MIB2: variants seen among roughly 807,000 people sequenced by gnomAD.
MIB2 encodes MIB E3 ubiquitin protein ligase 2.
Under a neutral mutation model 96.6 loss-of-function variants are expected in MIB2, and 78 were observed. The ratio of observed to expected loss-of-function variants is 0.81; its 90% CI spans 0.67 to 0.97. The LOEUF is 0.97. Ranked by LOEUF, MIB2 falls within the 50% of genes least tolerant of loss-of-function variation. The pLI is 0.00. For missense variants in MIB2, 1,543 were observed against 1,424.0 expected (o/e 1.08, Z -1.35); for synonymous variants, 820 against 629.5 (o/e 1.30, Z -4.53).
intron 1 of MIB2, chr1:1,615,980 AGTCGG>A: frequency 1.0e-6 from 1 of 985,290 alleles, no homozygotes; most frequent in Non-Finnish European, 1.2e-6. Flanking sequence ...GCCGCTGAGC[AGTCGG>A]GGCCGGTGGG....
chr1:1,615,769 T>G (rs1643564025), intron 1 of MIB2, 136 bp downstream of exon 1: 4 of 1,411,080 alleles, frequency 2.8e-6, no homozygotes, highest in South Asian at 1.5e-5. Flanking sequence ...CGGCGTAGGG[T>G]CCGCACGGGA....
At chr1:1,620,351 C>T (rs540169865) in intron 2 of MIB2, among the ~76,000 whole-genome samples, 5 of 152,236 alleles carry the variant, frequency 3.3e-5, no homozygotes, top group Admixed American at 1.3e-4. Context: ...GGGCCCATCT[C>T]GGGGGTCGGC....
chr1:1,628,990 T>C, intron 16 of MIB2, 143 bp from the exon 17 acceptor site: 1 of 943,504 alleles, frequency 1.1e-6, no homozygotes, highest in Non-Finnish European at 1.5e-6. Flanking sequence ...CTCCTGCCTG[T>C]CCCACTTGGG....
At chr1:1,628,982 C>T in intron 16 of MIB2, 151 bp from the exon 17 acceptor site, 1 of 890,252 alleles carries the variant, frequency 1.1e-6, no homozygotes, top group Non-Finnish European at 1.6e-6. Context: ...GGGCGCCCCT[C>T]CTGCCTGTCC....
Position 1,628,387 on chromosome 1 carries a change from C to G in MIB2, c.1956C>G (p.Ile652Met). The G allele has an allele frequency of 6.2e-7, 1 of 1,612,160 alleles. No homozygotes were observed. Among genetic ancestry groups the G allele is most frequent in the Non-Finnish European group, 8.5e-7 (1 of 1,179,822 alleles). ...ALNNHREVAQ[I>M]LIREGRCDVN... ...ACAACCACCGCGAGGTGGCCCAGAT[C>G]CTCATCCGGGAGGTGCGGACGCGGC... Residue 652 changes from isoleucine to methionine, a missense_variant, in exon 15 of 20, where the codon ATC (isoleucine) becomes ATG (methionine). Physicochemically the swap from Ile to Met is conservative, Grantham distance 10 (BLOSUM62 1). Transcript: ENST00000355826.
chr1:1,625,463 G>A lies in MIB2; in HGVS notation c.864+35G>A. 6.4e-7 allele frequency: 1 copy of A among 1,556,176 alleles called. No individual in the cohort carries two copies. Among genetic ancestry groups the A allele is most frequent in the Non-Finnish European group, 8.7e-7 (1 of 1,149,252 alleles). ...CCCGCCGTGGAGCCCTGTGTGCCCTGCCCTCCCAGCCCTCCGCCCCCTCAG... is the reference window on the plus strand; with the variant it reads ...CCCGCCGTGGAGCCCTGTGTGCCCTACCCTCCCAGCCCTCCGCCCCCTCAG... On this transcript the variant is annotated intron_variant, in intron 7 of 19. Coordinates refer to ENST00000355826, the MANE Select transcript of MIB2 (RefSeq NM_001170687.4). This position sits in a 1 kb window ranked among gnomAD's most constrained non-coding sequence, Gnocchi z 5.0.
At position 1,628,121 on chromosome 1, in the gene MIB2, G is replaced by A. The variant is rs748228503; in HGVS notation, c.1783G>A (p.Ala595Thr). The change falls in exon 14 of 20, where the codon GCC becomes ACC. Residue 595 changes from alanine (A) to threonine (T), a missense_variant. By Grantham distance (58) the Ala-to-Thr change is moderately conservative (BLOSUM62 0). Transcript: ENST00000355826. ...LTEVPNIDVTATNSQGFTLLH... is the reference protein window; with the variant it reads ...LTEVPNIDVTTTNSQGFTLLH... ...GGAGGTGCCAAACATCGATGTTACC[G>A]CCACCAACAGCCAGGGTTTCACCCT... 18 of 1,613,362 alleles carry A rather than the reference G, an allele frequency of 1.1e-5. No homozygotes were observed. The highest frequency in any genetic ancestry group is 1.6e-4 in the Middle Eastern group (1 of 6,062).
Position 1,625,468 on chromosome 1 carries a change from C to T in MIB2, c.864+40C>T. On this transcript the variant is annotated intron_variant, in intron 7 of 19. Coordinates refer to ENST00000355826, the MANE Select transcript of MIB2 (RefSeq NM_001170687.4). The surrounding 1 kb of genome is among the most constrained non-coding windows in gnomAD (Gnocchi z 5.0). ...CGTGGAGCCCTGTGTGCCCTGCCCT[C>T]CCAGCCCTCCGCCCCCTCAGCCCCT... 2.8e-6 allele frequency: 4 copies of T among 1,416,684 alleles called. No individual in the cohort carries two copies. Among genetic ancestry groups the T allele is most frequent in the Non-Finnish European group, 3.9e-6 (4 of 1,029,892 alleles). The allele number at this position is 1,416,684 out of a possible 1,614,324, so 87.8% of individuals were successfully genotyped here. A position where few individuals can be genotyped will look rare whatever the true frequency, so the allele number is the denominator to read the frequency against.
At position 1,629,635 on chromosome 1, in the gene MIB2, G is replaced by A. The variant is rs548252796; in HGVS notation, c.2564-4G>A. 170 of 1,587,530 alleles carry A rather than the reference G, an allele frequency of 1.1e-4. No individual in the cohort carries two copies. In the East Asian group the frequency reaches 3.4e-3, roughly 32 times the overall value. On this transcript the variant is annotated splice_polypyrimidine_tract_variant and splice_region_variant and intron_variant, in intron 18 of 19. Coordinates refer to ENST00000355826, the MANE Select transcript of MIB2 (RefSeq NM_001170687.4). Reference sequence around the variant, plus strand: ...CGCAGCCAACCGCGCTCTCCTCTTCGCAGAGTGCGCGCGCAGGATGAAGAA... The same window carrying A: ...CGCAGCCAACCGCGCTCTCCTCTTCACAGAGTGCGCGCGCAGGATGAAGAA...
intron 2 of MIB2, chr1:1,623,056 A>G: frequency 2.8e-6 from 1 of 351,512 alleles, no homozygotes; most frequent in Non-Finnish European, 5.2e-6. Flanking sequence ...GGGGGACGGC[A>G]GCTCTTACTT....
In MIB2 at chr1:1,627,665, C is replaced by G. The variant is rs760770226; in HGVS notation, c.1524-8C>G. The G allele has an allele frequency of 1.9e-6, 3 of 1,589,052 alleles. No individual in the cohort carries two copies. In the African/African-American group the frequency reaches 4.0e-5, roughly 21 times the overall value. On this transcript the variant is annotated splice_polypyrimidine_tract_variant and splice_region_variant and intron_variant, in intron 12 of 19. Coordinates refer to ENST00000355826, the MANE Select transcript of MIB2 (RefSeq NM_001170687.4). ...GCGCCCTCCCTCTCCCACTTCCTCT[C>G]CTGTCAGGAACCAGCCCGAGGCCAC...
rs943832887 is a variant in MIB2, at chr1:1,629,413, C to T, written c.2410C>T (p.Pro804Ser). The T allele has an allele frequency of 1.7e-5, 25 of 1,474,188 alleles. No homozygotes were observed. The Admixed American group carries it at 5.1e-4, about 30-fold the overall frequency. 91.3% of individuals were successfully genotyped at this position (1,474,188 alleles called of 1,614,324 possible). ...GCGGCAGGCGGGCGGGGGCGCGGCC[C>T]CGGGCCCCAGGCAAACGCTCGGGAC... ...RERQAGGGAA[P>S]GPRQTLGTPN... Residue 804 changes from proline to serine, a missense_variant, in exon 18 of 20, where the codon CCG becomes TCG. Coordinates refer to ENST00000355826, the MANE Select transcript of MIB2 (RefSeq NM_001170687.4).
At chr1:1,627,238 G>A in intron 11 of MIB2, 31 bp downstream of exon 11, 4 of 1,612,284 alleles carry the variant, frequency 2.5e-6, no homozygotes, top group Non-Finnish European at 3.4e-6. Flanking sequence ...TCCCATACTG[G>A]CCAGTCTGAG....
intron 2 of MIB2, among the ~76,000 whole-genome samples, chr1:1,620,373 C>G (rs1382158022): frequency 6.8e-6 from 1 of 146,480 alleles, no homozygotes; most frequent in Non-Finnish European, 1.5e-5. Flanking sequence ...GATGCGTGTC[C>G]CCTACTAGCA....
intron 4 of MIB2, 42 bp from the exon 5 acceptor site, chr1:1,624,753 G>A (rs775673150): frequency 2.0e-5 from 31 of 1,566,578 alleles, no homozygotes; most frequent in Non-Finnish European, 2.4e-5. Context: ...GGAAGAGATG[G>A]CGGTTTTCTT....
Position 1,623,887 on chromosome 1 carries a change from CACA to C in MIB2, c.366_368del (p.Asn122del). ...CGACCTCTGCACGCAGTGCTACATG[CACA>C]ACAAGCATGAGCTCGCCCACGCCTT... On this transcript the variant is annotated inframe_deletion, in exon 4 of 20. Transcript: ENST00000355826. 6.2e-7 allele frequency: 1 copy of C among 1,612,142 alleles called. No homozygotes were observed. The highest frequency in any genetic ancestry group is 8.5e-7 in the Non-Finnish European group (1 of 1,179,564).
At chr1:1,616,181 C>T (rs1355953524) in intron 1 of MIB2, 2 of 864,572 alleles carry the variant, frequency 2.3e-6, no homozygotes, top group Non-Finnish European at 2.8e-6. Flanking sequence ...TGACAGGGGG[C>T]GGGGCGCGCT....
chr1:1,616,143 G>A (rs1410663461), intron 1 of MIB2: 12 of 975,384 alleles, frequency 1.2e-5, no homozygotes, highest in Admixed American at 6.2e-5. Context: ...GACAGGGCCG[G>A]GCGGCCTCCG....
In MIB2 at chr1:1,626,289, A is replaced by C; in HGVS notation, c.973-361A>C. On this transcript the variant is annotated intron_variant, in intron 8 of 19. Transcript: ENST00000355826. The surrounding 1 kb of genome is among the most constrained non-coding windows in gnomAD (Gnocchi z 5.3). Reference sequence around the variant, plus strand: ...GTGGGGCAGAGTGGGCCCGTCCTGCACCCCATGGTCCTGGGGCCCCACCCC... The same window carrying C: ...GTGGGGCAGAGTGGGCCCGTCCTGCCCCCCATGGTCCTGGGGCCCCACCCC... 3.0e-6 allele frequency: 1 copy of C among 333,136 alleles called. No homozygotes were observed. The highest frequency in any genetic ancestry group is 5.5e-6 in the Non-Finnish European group (1 of 180,932). 20.6% of individuals were successfully genotyped at this position (333,136 alleles called of 1,614,324 possible).
Sources: allele counts gnomAD v4.1 joint callset (sites outside exome capture counted in the v4.1 genomes callset), GRCh38; gene constraint gnomAD v4.1.1; non-coding constraint Gnocchi (gnomAD v3.1); transcripts MANE v1.5; gene names NCBI Gene and HGNC (gene_info 2026-07-23, HGNC 2026-07-21).